Variants in ZBTB20 observed in about 807,000 individuals in gnomAD.
The protein encoded by ZBTB20 is zinc finger and BTB domain-containing protein 20.
In ZBTB20, 9 loss-of-function variants were observed where a neutral mutation model predicts 56.9. That is an observed-to-expected ratio of 0.16 (90% confidence interval 0.10 to 0.28). ZBTB20 has a LOEUF of 0.28. Ranked by LOEUF, ZBTB20 falls within the 10% of genes least tolerant of loss-of-function variation. The pLI, the probability that ZBTB20 is intolerant of heterozygous loss-of-function variation, is 1.00. For missense variants in ZBTB20, 655 were observed against 1,003.0 expected, an observed-to-expected ratio of 0.65 and a Z score of 4.69; for synonymous variants, 417 against 420.7, an observed-to-expected ratio of 0.99 and a Z score of 0.11.
At position 114,748,891 on chromosome 3, in the gene ZBTB20, T is replaced by C. The variant is rs551335364; in HGVS notation, c.-343+52210A>G. ...GATGATGGAGGCATTTAAAATGCTT[T>C]AATTGCCCACTTTAATAAAGCACTA... On this transcript the variant is annotated intron_variant, in intron 5 of 11. Transcript: ENST00000675478. Among the ~76,000 whole-genome samples the C allele has an allele frequency of 1.2e-4, 18 of 152,280 alleles. No homozygotes were observed. In the East Asian group the frequency reaches 3.5e-3, roughly 29 times the overall value.
At chr3:114,578,269 T>C (rs2054296823) in intron 6 of ZBTB20, among the ~76,000 whole-genome samples, 1 of 152,032 alleles carries the variant, frequency 6.6e-6, no homozygotes, top group African/African-American at 2.4e-5. Flanking sequence ...AGAAAAAAAT[T>C]GTAGCAAGAA....
At chr3:115,017,368 T>A (rs142804853) in intron 2 of ZBTB20, among the ~76,000 whole-genome samples, 2 of 151,600 alleles carry the variant, frequency 1.3e-5, no homozygotes, top group Non-Finnish European at 3.0e-5. Context: ...CCACTCCTCA[T>A]GGAAAACTAG....
intron 7 of ZBTB20, among the ~76,000 whole-genome samples, chr3:114,426,083 C>A (rs1030955341): frequency 6.6e-6 from 1 of 152,000 alleles, no homozygotes; most frequent in Non-Finnish European, 1.5e-5. Context: ...CGCCTGTAAT[C>A]CCAGCACTTT....
intron 6 of ZBTB20, among the ~76,000 whole-genome samples, chr3:114,578,801 T>C (rs1223821478): frequency 8.6e-5 from 13 of 151,522 alleles, no homozygotes; most frequent in African/African-American, 1.4e-4. Flanking sequence ...TAAAAAAAAG[T>C]AACAAGAAAA....
chr3:114,879,628 G>C (rs566607337), intron 4 of ZBTB20, among the ~76,000 whole-genome samples: 1 of 152,130 alleles, frequency 6.6e-6, no homozygotes, highest in Non-Finnish European at 1.5e-5. Flanking sequence ...TTGTCAGTAA[G>C]TTTTACAATA....
At chr3:114,937,360 A>C (rs1430432644) in intron 3 of ZBTB20, among the ~76,000 whole-genome samples, 1 of 151,584 alleles carries the variant, frequency 6.6e-6, no homozygotes, top group Non-Finnish European at 1.5e-5. Context: ...GCATTTCTCT[A>C]ATAACCAGTG....
At chr3:115,108,545 T>A (rs1184017188) in intron 1 of ZBTB20, among the ~76,000 whole-genome samples, 1 of 152,200 alleles carries the variant, frequency 6.6e-6, no homozygotes, top group East Asian at 1.9e-4. Flanking sequence ...AAGTTTATGT[T>A]TTGTGATGCA....
chr3:114,656,995 G>A (rs549275202), intron 6 of ZBTB20, among the ~76,000 whole-genome samples: 1 of 152,204 alleles, frequency 6.6e-6, no homozygotes, highest in South Asian at 2.1e-4. Context: ...CTGCTTTAAA[G>A]TCCTTGTCTA....
intron 7 of ZBTB20, among the ~76,000 whole-genome samples, chr3:114,429,759 G>A (rs2089982641): frequency 6.6e-6 from 1 of 151,850 alleles, no homozygotes; most frequent in South Asian, 2.1e-4. Context: ...CACAAACAAA[G>A]AAACAGTGCA....
At chr3:114,879,889 T>C (rs891331119) in intron 4 of ZBTB20, among the ~76,000 whole-genome samples, 1 of 152,214 alleles carries the variant, frequency 6.6e-6, no homozygotes, top group Admixed American at 6.5e-5. Flanking sequence ...AGTAGTGACC[T>C]AATTTACACA....
chr3:114,624,192 T>C (rs574226042), intron 6 of ZBTB20: 2 of 152,200 alleles, frequency 1.3e-5, no homozygotes, highest in South Asian at 4.1e-4. Flanking sequence ...CAGGCCTGGC[T>C]GTTAAGCTCC....
At chr3:114,544,599 G>T (rs556734702) in intron 6 of ZBTB20, among the ~76,000 whole-genome samples, 14 of 151,534 alleles carry the variant, frequency 9.2e-5, no homozygotes, top group African/African-American at 3.4e-4. Context: ...TGCCTCCTGG[G>T]CCCAAGTGAT....
intron 6 of ZBTB20, among the ~76,000 whole-genome samples, chr3:114,532,988 C>G (rs1407448183): frequency 6.6e-6 from 1 of 152,182 alleles, no homozygotes; most frequent in African/African-American, 2.4e-5. Context: ...ATCCGAAGAT[C>G]ACCAGCGTCA....
intron 2 of ZBTB20, among the ~76,000 whole-genome samples, chr3:115,020,250 A>T (rs1322224153): frequency 6.6e-6 from 1 of 151,198 alleles, no homozygotes; most frequent in Non-Finnish European, 1.5e-5. Flanking sequence ...ATTATATTTT[A>T]AAATTGATAT....
intron 7 of ZBTB20, among the ~76,000 whole-genome samples, chr3:114,410,261 TCTC>T (rs2087800993): frequency 6.6e-6 from 1 of 152,030 alleles, no homozygotes; most frequent in African/African-American, 2.4e-5. Context: ...TGTTCCCTTC[TCTC>T]CTGTTTTCTC....
At chr3:114,783,991 T>C (rs1402737960) in intron 5 of ZBTB20, among the ~76,000 whole-genome samples, 1 of 152,152 alleles carries the variant, frequency 6.6e-6, no homozygotes, top group East Asian at 1.9e-4. Flanking sequence ...ATCATTTTAA[T>C]GAGGAGAAGT....
intron 7 of ZBTB20, among the ~76,000 whole-genome samples, chr3:114,480,647 G>T (rs2041430303): frequency 6.6e-6 from 1 of 152,132 alleles, no homozygotes; most frequent in African/African-American, 2.4e-5. Flanking sequence ...GCTTTTTAAA[G>T]ACCTTTTACC....
chr3:114,509,051 A>G (rs1295705605), intron 6 of ZBTB20, among the ~76,000 whole-genome samples: 2 of 152,192 alleles, frequency 1.3e-5, no homozygotes, highest in South Asian at 2.1e-4. Flanking sequence ...AAAGGTGTCA[A>G]GTTAACCAGC....
chr3:114,834,672 C>G (rs1011763723), intron 4 of ZBTB20, among the ~76,000 whole-genome samples: 15 of 152,070 alleles, frequency 9.9e-5, no homozygotes, highest in Admixed American at 9.2e-4. Context: ...TTCTCTCTCT[C>G]CCTGAAGCCT....
Sources: allele counts gnomAD v4.1 joint callset (sites outside exome capture counted in the v4.1 genomes callset), GRCh38; gene constraint gnomAD v4.1.1; transcripts MANE v1.5; gene names NCBI Gene and HGNC (gene_info 2026-07-23, HGNC 2026-07-21).